The following PTPN9 variants were observed in gnomAD, a reference collection of about 807,000 sequenced individuals.
The protein encoded by PTPN9 is tyrosine-protein phosphatase non-receptor type 9.
A neutral mutation model predicts 69.8 loss-of-function variants in PTPN9; 26 were observed. The ratio of observed to expected loss-of-function variants is 0.37; its 90% CI spans 0.27 to 0.52. The LOEUF is 0.52. Among genes scored for constraint, PTPN9 ranks in the 20% least tolerant of loss-of-function variants. The pLI is 0.91. For synonymous variants in PTPN9, 274 were observed against 272.5 expected, an observed-to-expected ratio of 1.01 and a Z score of -0.05; for missense variants, 549 against 740.3, an observed-to-expected ratio of 0.74 and a Z score of 3.00.
chr15:75,546,022 T>A (rs1338786913), intron 1 of PTPN9, among the ~76,000 whole-genome samples: 1 of 152,168 alleles, frequency 6.6e-6, no homozygotes, highest in Admixed American at 6.6e-5. Flanking sequence ...AAAATCTGAG[T>A]CTGGCAGAAC....
intron 1 of PTPN9, among the ~76,000 whole-genome samples, chr15:75,540,998 G>A (rs2075005972): frequency 6.6e-6 from 1 of 151,944 alleles, no homozygotes; most frequent in Admixed American, 6.6e-5. Context: ...AGGATCACTT[G>A]AGCCTAGGAG....
chr15:75,505,529 C>A (rs1028170458), intron 7 of PTPN9, 146 bp downstream of exon 7: 2 of 539,130 alleles, frequency 3.7e-6, no homozygotes, highest in African/African-American at 2.0e-5. Flanking sequence ...TTTCTGCATG[C>A]GAGAAACCAT....
rs1256780944 is a variant in PTPN9 at position 75,464,637 on chromosome 15, A to G, written c.*4132T>C. On this transcript the variant is annotated 3_prime_UTR_variant, in exon 13 of 13. Transcript: ENST00000618819. ...AACCACAAAAGAGCTGGGTCACTCTAGAGAAGCTTTTCTACTTGGCCAATG... is the reference window on the plus strand; with the variant it reads ...AACCACAAAAGAGCTGGGTCACTCTGGAGAAGCTTTTCTACTTGGCCAATG... 2 of 152,190 alleles carry G rather than the reference A, an allele frequency of 1.3e-5. No individual in the cohort carries two copies. Among genetic ancestry groups the G allele is most frequent in the Non-Finnish European group, 1.5e-5 (1 of 68,048 alleles). The allele number at this position is 152,190 out of a possible 1,614,324, so 9.4% of individuals were successfully genotyped here. A position where few individuals can be genotyped will look rare whatever the true frequency, so the allele number is the denominator to read the frequency against.
At chr15:75,564,928 C>G (rs2075120253) in intron 1 of PTPN9, among the ~76,000 whole-genome samples, 1 of 151,672 alleles carries the variant, frequency 6.6e-6, no homozygotes, top group African/African-American at 2.4e-5. Flanking sequence ...ATGGTGAAAC[C>G]CCGTCTCTAC....
At chr15:75,470,179 G>GTTTA (rs10663898) in intron 11 of PTPN9, among the ~76,000 whole-genome samples, 180 bp from the exon 12 acceptor site, 1 of 151,908 alleles carries the variant, frequency 6.6e-6, no homozygotes, top group Non-Finnish European at 1.5e-5. Flanking sequence ...TTGGTTAATT[G>GTTTA]GAAAAGGCAG....
At chr15:75,501,491 G>A (rs2074772579) in intron 7 of PTPN9, among the ~76,000 whole-genome samples, 1 of 123,978 alleles carries the variant, frequency 8.1e-6, no homozygotes, top group African/African-American at 3.1e-5. Context: ...CTTAGACAAA[G>A]TCTTACTCTG....
intron 1 of PTPN9, among the ~76,000 whole-genome samples, chr15:75,570,664 A>T (rs2075144826): frequency 6.6e-6 from 1 of 151,898 alleles, no homozygotes; most frequent in South Asian, 2.1e-4. Context: ...GGAACCCGGG[A>T]GGCGAGGTGG....
intron 9 of PTPN9, among the ~76,000 whole-genome samples, chr15:75,475,465 G>A (rs1455551274): frequency 6.6e-6 from 1 of 152,114 alleles, no homozygotes; most frequent in Non-Finnish European, 1.5e-5. Context: ...TGTAATCCCA[G>A]CTACTCGGGA....
chr15:75,493,744 G>C (rs1350598984), intron 7 of PTPN9, among the ~76,000 whole-genome samples: 1 of 151,930 alleles, frequency 6.6e-6, no homozygotes, highest in African/African-American at 2.4e-5. Context: ...CTGGGCAACA[G>C]AGCGAGACTC....
intron 8 of PTPN9, 104 bp downstream of exon 8, chr15:75,490,104 G>T (rs2074700391): frequency 3.2e-6 from 3 of 942,172 alleles, no homozygotes; most frequent in Non-Finnish European, 5.1e-6. Context: ...AATCTCTCTG[G>T]CCTCGGAGTC....
intron 1 of PTPN9, among the ~76,000 whole-genome samples, chr15:75,555,521 T>A (rs1250746081): frequency 2.0e-5 from 3 of 151,922 alleles, no homozygotes; most frequent in Non-Finnish European, 4.4e-5. Flanking sequence ...TATTATTATT[T>A]TTGAGACAGT....
chr15:75,561,404 AT>A (rs1478680345), intron 1 of PTPN9, among the ~76,000 whole-genome samples: 10 of 152,130 alleles, frequency 6.6e-5, no homozygotes, highest in African/African-American at 2.2e-4. Context: ...TTGAAAAAAA[AT>A]CTAGCTTAAA....
In PTPN9 at chr15:75,523,193, T is replaced by C. The variant is rs1305256383; in HGVS notation, c.350A>G (p.His117Arg). The change falls in exon 4 of 13, where the codon CAT becomes CGT. Residue 117 changes from histidine to arginine, a missense_variant. Physicochemically the swap from His to Arg is conservative, Grantham distance 29. Around this residue, in one of 3 missense-constraint regions of PTPN9, gnomAD observed 457 missense variants for 661.9 expected, o/e 0.69. Transcript: ENST00000618819. ...ATGTTGGACTGACTTGTGGGGATGATGCAACCTGGCAGTAAAGAGGGCAAT... is the reference window on the plus strand; with the variant it reads ...ATGTTGGACTGACTTGTGGGGATGACGCAACCTGGCAGTAAAGAGGGCAAT... ...ASIALFTARL[H>R]HPHKSVQHVV... 6.2e-7 allele frequency: 1 copy of C among 1,614,008 alleles called. No individual in the cohort carries two copies. The highest frequency in any genetic ancestry group is 8.5e-7 in the Non-Finnish European group (1 of 1,180,022).
At chr15:75,500,370 C>CACACACAT (rs765326855) in intron 7 of PTPN9, among the ~76,000 whole-genome samples, 2 of 149,354 alleles carry the variant, frequency 1.3e-5, no homozygotes. Context: ...CACACACACA[C>CACACACAT]ATATATATAC....
At chr15:75,539,026 GA>G (rs1164879196) in intron 1 of PTPN9, among the ~76,000 whole-genome samples, 1 of 151,322 alleles carries the variant, frequency 6.6e-6, no homozygotes, top group Non-Finnish European at 1.5e-5. Flanking sequence ...AAAAAAGAAA[GA>G]AAGAAAGAAA....
chr15:75,538,781 T>C (rs1202934521), intron 1 of PTPN9, among the ~76,000 whole-genome samples: 1 of 152,088 alleles, frequency 6.6e-6, no homozygotes, highest in African/African-American at 2.4e-5. Flanking sequence ...AATATGACTA[T>C]TAGTAAGCAA....
At chr15:75,482,211 A>G (rs1595948259) in intron 8 of PTPN9, among the ~76,000 whole-genome samples, 3 of 151,796 alleles carry the variant, frequency 2.0e-5, no homozygotes, top group African/African-American at 7.3e-5. Flanking sequence ...GGTTAAATGG[A>G]TTAAGGGCGG....
Position 75,468,516 on chromosome 15 carries a change from G to C in PTPN9, c.*253C>G, listed in dbSNP as rs1374552595. 2 of 368,386 alleles carry C rather than the reference G, an allele frequency of 5.4e-6. No individual in the cohort carries two copies. Among genetic ancestry groups the C allele is most frequent in the Non-Finnish European group, 9.9e-6 (2 of 202,508 alleles). 22.8% of individuals were successfully genotyped at this position (368,386 alleles called of 1,614,324 possible). A position where few individuals can be genotyped will look rare whatever the true frequency, so the allele number is the denominator to read the frequency against. On this transcript the variant is annotated 3_prime_UTR_variant, in exon 13 of 13. Coordinates refer to ENST00000618819, the MANE Select transcript of PTPN9 (RefSeq NM_002833.4). Reference sequence around the variant, plus strand: ...TAGCAAAAATCAATAGCCACAATTTGGTTTTAATAAGGCACAGTTTGATAG... The same window carrying C: ...TAGCAAAAATCAATAGCCACAATTTCGTTTTAATAAGGCACAGTTTGATAG...
At chr15:75,490,110 G>A in intron 8 of PTPN9, 98 bp downstream of exon 8, 1 of 994,984 alleles carries the variant, frequency 1.0e-6, no homozygotes, top group Non-Finnish European at 1.6e-6. Context: ...TCTGGCCTCG[G>A]AGTCTACTTT....
Sources: allele counts gnomAD v4.1 joint callset (sites outside exome capture counted in the v4.1 genomes callset), GRCh38; gene constraint gnomAD v4.1.1; regional missense constraint gnomAD v4.1.1; transcripts MANE v1.5; gene names NCBI Gene and HGNC (gene_info 2026-07-23, HGNC 2026-07-21).